The following GNAS variants were observed in gnomAD, a reference collection of about 807,000 sequenced individuals.
GNAS encodes protein ALEX.
Under a neutral mutation model 54.5 loss-of-function variants are expected in GNAS, and 8 were observed. The ratio of observed to expected loss-of-function variants is 0.15; its 90% confidence interval spans 0.09 to 0.26. The LOEUF is 0.26. Ranked by LOEUF, GNAS falls within the 10% of genes least tolerant of loss-of-function variation. GNAS has a pLI of 1.00. For missense variants in GNAS, 170 were observed against 529.8 expected (o/e 0.32, Z 6.67); for synonymous variants, 204 against 191.4 (o/e 1.07, Z -0.54).
chr20:58,855,064 G>A (rs754892188), intron 1 of GNAS: 2 of 1,613,176 alleles, frequency 1.2e-6, no homozygotes, highest in Admixed American at 3.3e-5. Context: ...AATCGCCGCC[G>A]CCGAAAGCCC....
chr20:58,904,172 C>G (rs2090883847), intron 5 of GNAS, among the ~76,000 whole-genome samples: 1 of 152,106 alleles, frequency 6.6e-6, no homozygotes. Flanking sequence ...CATCTTAGGA[C>G]AAAACTGTAT....
At chr20:58,908,094 A>C (rs978620704) in intron 6 of GNAS, among the ~76,000 whole-genome samples, 1 of 152,238 alleles carries the variant, frequency 6.6e-6, no homozygotes, top group Non-Finnish European at 1.5e-5. Context: ...ACTAACTCTG[A>C]ACTAGTAAAA....
chr20:58,868,217 C>A (rs1428751612), intron 1 of GNAS, among the ~76,000 whole-genome samples: 1 of 152,100 alleles, frequency 6.6e-6, no homozygotes, highest in East Asian at 1.9e-4. Context: ...ATGGGGTTCT[C>A]CATGTTGGTC....
chr20:58,910,562 CTT>C lies in GNAS; in HGVS notation c.1039-118_1039-117del, dbSNP rs2091368941. The C allele has an allele frequency of 7.6e-7, 1 of 1,323,338 alleles. No individual in the cohort carries two copies. Among genetic ancestry groups the C allele is most frequent in the South Asian group, 1.2e-5 (1 of 82,948 alleles). 82.0% of individuals were successfully genotyped at this position (1,323,338 alleles called of 1,614,324 possible). ...TGAGCTCTTTGCGCCCCTCTTTTTG[CTT>C]TTGTTTTCATATGACATCAGAGGCT... On this transcript the variant is annotated intron_variant, in intron 12 of 12. Coordinates refer to ENST00000371085, the MANE Select transcript of GNAS (RefSeq NM_000516.7). The surrounding 1 kb of genome is among the most constrained non-coding windows in gnomAD (Gnocchi z 5.8).
At chr20:58,872,793 A>G (rs1021774717) in intron 1 of GNAS, among the ~76,000 whole-genome samples, 5 of 152,190 alleles carry the variant, frequency 3.3e-5, no homozygotes, top group African/African-American at 1.2e-4. Flanking sequence ...AAATCACAAG[A>G]GCAGACCTTC....
chr20:58,859,675 G>A (rs551565957), intron 1 of GNAS, among the ~76,000 whole-genome samples: 1 of 150,418 alleles, frequency 6.6e-6, no homozygotes, highest in African/African-American at 2.4e-5. Context: ...CGCCCAGGCT[G>A]GAGTGCGATG....
intron 3 of GNAS, among the ~76,000 whole-genome samples, chr20:58,902,699 C>T (rs1209686346): frequency 2.1e-5 from 3 of 146,158 alleles, no homozygotes; most frequent in African/African-American, 5.1e-5. Flanking sequence ...CTGCTAGCTG[C>T]AGTGCCTGGA....
At chr20:58,907,437 TC>T in intron 6 of GNAS, among the ~76,000 whole-genome samples, 1 of 152,226 alleles carries the variant, frequency 6.6e-6, no homozygotes, top group East Asian at 1.9e-4. Flanking sequence ...CAAATGGAAA[TC>T]CTGGAATTGT....
chr20:58,845,509 C>T (rs1378098652), intron 1 of GNAS, among the ~76,000 whole-genome samples: 1 of 152,126 alleles, frequency 6.6e-6, no homozygotes, highest in Non-Finnish European at 1.5e-5. Context: ...CTCCATCATA[C>T]ATGCATGGGA....
At chr20:58,867,989 C>T (rs908374701) in intron 1 of GNAS, among the ~76,000 whole-genome samples, 3 of 151,386 alleles carry the variant, frequency 2.0e-5, no homozygotes, top group Admixed American at 6.6e-5. Context: ...TAACATATAG[C>T]AGATAGTGGA....
intron 2 of GNAS, among the ~76,000 whole-genome samples, chr20:58,897,263 G>A (rs559137230): frequency 6.6e-4 from 100 of 152,258 alleles, no homozygotes; most frequent in African/African-American, 2.3e-3. Flanking sequence ...CCCTGCCAGC[G>A]GAGACTGCCA....
At chr20:58,875,685 G>T (rs983874151) in intron 1 of GNAS, among the ~76,000 whole-genome samples, 1 of 151,806 alleles carries the variant, frequency 6.6e-6, no homozygotes, top group Non-Finnish European at 1.5e-5. Flanking sequence ...GCAGCGGGGT[G>T]CCCCCCCCAC....
chr20:58,845,972 T>A (rs2742274), intron 1 of GNAS, among the ~76,000 whole-genome samples: 1 of 152,170 alleles, frequency 6.6e-6, no homozygotes, highest in Non-Finnish European at 1.5e-5. Flanking sequence ...AGGGTAAGTA[T>A]GTTACAAATT....
At chr20:58,879,709 G>A (rs1013488121) in intron 1 of GNAS, among the ~76,000 whole-genome samples, 6 of 152,174 alleles carry the variant, frequency 3.9e-5, no homozygotes, top group African/African-American at 1.2e-4. Flanking sequence ...GCAGAGGAGG[G>A]GGGAAATGAA....
At chr20:58,840,768 C>T (rs1457316562), upstream of GNAS, 3 of 1,608,296 alleles carry the variant, frequency 1.9e-6, no homozygotes, top group South Asian at 3.3e-5. This position sits in a 1 kb window ranked among gnomAD's most constrained non-coding sequence, Gnocchi z 6.0. Flanking sequence ...CGCTGCAAGC[C>T]AAAGAAGCCC....
Position 58,903,871 on chromosome 20 carries a change from C to G in GNAS, c.432+80C>G, listed in dbSNP as rs1466166044. The G allele has an allele frequency of 2.7e-6, 4 of 1,474,220 alleles. No homozygotes were observed. The South Asian group carries it at 3.4e-5, about 13-fold the overall frequency. The allele number at this position is 1,474,220 out of a possible 1,614,324, so 91.3% of individuals were successfully genotyped here. The stretch of plus-strand genomic sequence containing the variant: ...CCATATAGGAACATGAGTGACAGCC[C>G]TGCACATGGGCAGGAGCATCCAAAC... On this transcript the variant is annotated intron_variant, in intron 5 of 12. Transcript: ENST00000371085.
intron 1 of GNAS, among the ~76,000 whole-genome samples, chr20:58,879,539 C>T (rs1436021326): frequency 6.6e-6 from 1 of 152,132 alleles, no homozygotes; most frequent in Non-Finnish European, 1.5e-5. Context: ...TATAAACAAC[C>T]AGTTTGCCTG....
In GNAS at chr20:58,892,169, CTCTCTTTT is replaced by C. The variant is rs567259782; in HGVS notation, c.139+307_139+314del. 1.1e-3 allele frequency: 1,068 copies of C among 961,134 alleles called. 26 individuals are homozygous for C. In the South Asian group the frequency reaches 0.044, roughly 40 times the overall value. The allele number at this position is 961,134 out of a possible 1,614,324, so 59.5% of individuals were successfully genotyped here. A position where few individuals can be genotyped will look rare whatever the true frequency, so the allele number is the denominator to read the frequency against. On this transcript the variant is annotated intron_variant, in intron 1 of 12. Transcript: ENST00000371085. ...TCGCTCTCCCCCTCTTTCTCTCTTT[CTCTCTTTT>C]TCCGCGAGGCCTACACGACGCCAGG... is the stretch of plus-strand genomic sequence containing the variant.
At chr20:58,872,857 G>A (rs2087558831) in intron 1 of GNAS, among the ~76,000 whole-genome samples, 1 of 152,050 alleles carries the variant, frequency 6.6e-6, no homozygotes, top group Non-Finnish European at 1.5e-5. Context: ...TCTATGTCCT[G>A]GGCTTCATTC....
Sources: allele counts gnomAD v4.1 joint callset (sites outside exome capture counted in the v4.1 genomes callset), GRCh38; gene constraint gnomAD v4.1.1; non-coding constraint Gnocchi (gnomAD v3.1); transcripts MANE v1.5; gene names NCBI Gene and HGNC (gene_info 2026-07-23, HGNC 2026-07-21).